The following MRTFB variants were observed in gnomAD, a reference collection of about 807,000 sequenced individuals.
MRTFB encodes myocardin-related transcription factor B.
A neutral mutation model predicts 104.2 loss-of-function variants in MRTFB; 29 were observed. The observed-to-expected ratio is 0.28, with a 90% CI of 0.21 to 0.38. The LOEUF (loss-of-function observed/expected upper bound fraction) is 0.38. Among genes scored for constraint, MRTFB ranks in the 10% least tolerant of loss-of-function variants. MRTFB has a pLI of 1.00. For synonymous variants in MRTFB, 535 were observed against 519.5 expected, an observed-to-expected ratio of 1.03 and a Z score of -0.41; for missense variants, 1,270 against 1,341.6, an observed-to-expected ratio of 0.95 and a Z score of 0.83.
intron 2 of MRTFB, among the ~76,000 whole-genome samples, chr16:14,124,599 A>G (rs1012137339): frequency 1.3e-5 from 2 of 152,224 alleles, no homozygotes; most frequent in African/African-American, 2.4e-5. Context: ...CCAGCCTTGC[A>G]TCCCAGGGAT....
At chr16:14,131,778 T>TAA (rs11410431) in intron 2 of MRTFB, among the ~76,000 whole-genome samples, 16 of 147,368 alleles carry the variant, frequency 1.1e-4, no homozygotes, top group East Asian at 3.9e-4. Flanking sequence ...AACTATAATT[T>TAA]AAAAAAAAAA....
intron 3 of MRTFB, among the ~76,000 whole-genome samples, chr16:14,209,292 A>AT (rs34353624): frequency 8.5e-5 from 13 of 152,288 alleles, no homozygotes; most frequent in Non-Finnish European, 1.6e-4. Context: ...CACATAAGTA[A>AT]TTTTTTTAAG....
At chr16:14,249,322 C>G (rs2043159048) in intron 13 of MRTFB, among the ~76,000 whole-genome samples, 2 of 152,158 alleles carry the variant, frequency 1.3e-5, no homozygotes, top group South Asian at 4.1e-4. Context: ...AACCCCTTTT[C>G]CAAGGGAAAG....
At chr16:14,042,703 G>C in the MRTFB span, among the ~76,000 whole-genome samples, 1 of 152,214 alleles carries the variant, frequency 6.6e-6, no homozygotes, top group Admixed American at 6.5e-5. Flanking sequence ...GAAAGGAAGG[G>C]GGGAAGAACA....
At chr16:14,034,902 C>A in the MRTFB span, among the ~76,000 whole-genome samples, 1 of 152,212 alleles carries the variant, frequency 6.6e-6, no homozygotes, top group African/African-American at 2.4e-5. Context: ...CACCCCAGGC[C>A]TGCAGCCAGG....
chr16:14,148,601 C>G (rs1051297569), intron 3 of MRTFB: 1 of 152,622 alleles, frequency 6.6e-6, no homozygotes, highest in Non-Finnish European at 1.5e-5. Flanking sequence ...GTTTTTCTGA[C>G]TCCTTTACAT....
intron 1 of MRTFB, among the ~76,000 whole-genome samples, chr16:14,078,245 G>T (rs2034183442): frequency 6.6e-6 from 1 of 152,178 alleles, no homozygotes; most frequent in Non-Finnish European, 1.5e-5. Flanking sequence ...TGTTCATCCT[G>T]CACACCAAAT....
chr16:14,071,331 C>A lies in MRTFB; in HGVS notation c.-163C>A, dbSNP rs569426726. 1.2e-3 allele frequency: 202 copies of A among 166,000 alleles called. 2 individuals carry two copies. Among genetic ancestry groups the A allele is most frequent in the Non-Finnish European group, 2.2e-3 (175 of 80,200 alleles). The allele number at this position is 166,000 out of a possible 1,614,324, so 10.3% of individuals were successfully genotyped here. A position where few individuals can be genotyped will look rare whatever the true frequency, so the allele number is the denominator to read the frequency against. On this transcript the variant is annotated 5_prime_UTR_variant, in exon 1 of 17. Coordinates refer to ENST00000571589, the MANE Select transcript of MRTFB (RefSeq NM_001308142.2). ...AGCGAAGTCTCGCGAGATCGCGCGG[C>A]GGCGGCGGGAGCGGCGGCGGCGGCG...
At chr16:14,037,366 G>A in the MRTFB span, among the ~76,000 whole-genome samples, 17 of 152,168 alleles carry the variant, frequency 1.1e-4, no homozygotes, top group African/African-American at 3.1e-4. Flanking sequence ...CGGAGGTGTC[G>A]GAGGGAGGAT....
chr16:14,044,936 G>C, the MRTFB span, among the ~76,000 whole-genome samples: 1 of 152,138 alleles, frequency 6.6e-6, no homozygotes, highest in East Asian at 1.9e-4. Flanking sequence ...TGGACAGCTG[G>C]TGGTCAACTT....
Position 14,177,104 on chromosome 16 carries a change from AC to A in MRTFB, c.155-33137del, listed in dbSNP as rs2039609376. ...GACAACACAGAGTGTATTAGTGAAT[AC>A]CAAGTAGTTCGAATTAGCTGAAGCA... On this transcript the variant is annotated intron_variant, in intron 3 of 16. Transcript: ENST00000571589. This position sits in a 1 kb window ranked among gnomAD's most constrained non-coding sequence, Gnocchi z 4.7. Among the ~76,000 whole-genome samples the A allele has an allele frequency of 6.6e-6, 1 of 152,372 alleles. No individual in the cohort carries two copies. The highest frequency in any genetic ancestry group is 1.5e-5 in the Non-Finnish European group (1 of 68,040).
chr16:14,053,339 G>C, the MRTFB span, among the ~76,000 whole-genome samples: 1 of 152,034 alleles, frequency 6.6e-6, no homozygotes, highest in Non-Finnish European at 1.5e-5. Context: ...TAGACAGTTA[G>C]GTGGAATCCA....
chr16:14,158,064 T>C (rs1292840343), intron 3 of MRTFB, among the ~76,000 whole-genome samples: 1 of 152,240 alleles, frequency 6.6e-6, no homozygotes, highest in African/African-American at 2.4e-5. Context: ...TCCCCCACTT[T>C]TGCTTTCTTA....
At chr16:14,036,292 A>ATATT in the MRTFB span, among the ~76,000 whole-genome samples, 4 of 56,634 alleles carry the variant, frequency 7.1e-5, 1 homozygote, top group South Asian at 1.7e-3. Flanking sequence ...TATTTTATAT[A>ATATT]TATTTATATA....
chr16:14,207,490 G>T (rs2041002326), intron 3 of MRTFB, among the ~76,000 whole-genome samples: 1 of 152,100 alleles, frequency 6.6e-6, no homozygotes, highest in Non-Finnish European at 1.5e-5. Flanking sequence ...TATACATTTG[G>T]TCTTAGTCCC....
intron 2 of MRTFB, chr16:14,092,634 A>C (rs968160991): frequency 2.0e-5 from 3 of 150,888 alleles, no homozygotes; most frequent in Admixed American, 6.6e-5. Context: ...CTTGTGATAG[A>C]TAGGAAAATA....
At chr16:14,182,445 T>C (rs538139366) in intron 3 of MRTFB, among the ~76,000 whole-genome samples, 1 of 152,278 alleles carries the variant, frequency 6.6e-6, no homozygotes, top group East Asian at 1.9e-4. Flanking sequence ...ATTGGAGGCA[T>C]TGGGATGAAC....
At chr16:14,241,464 A>G (rs1242897938) in intron 10 of MRTFB, 1 of 152,248 alleles carries the variant, frequency 6.6e-6, no homozygotes, top group Non-Finnish European at 1.5e-5. Context: ...AAACAGAGAT[A>G]AAAATGCAAA....
the MRTFB span, among the ~76,000 whole-genome samples, chr16:14,046,645 C>T: frequency 6.6e-6 from 1 of 152,302 alleles, no homozygotes; most frequent in Admixed American, 6.5e-5. Context: ...TGCTAATCCT[C>T]CAGCTCACTG....
Sources: gnomAD v4.1 joint callset for allele counts (sites outside exome capture counted in the v4.1 genomes callset) on GRCh38, gnomAD v4.1.1 for gene constraint, Gnocchi (gnomAD v3.1) non-coding constraint, MANE v1.5 for transcripts, NCBI Gene and HGNC (gene_info 2026-07-23, HGNC 2026-07-21) for gene names.